The following MBP variants were observed in gnomAD, a reference collection of about 807,000 sequenced individuals.
MBP encodes Golli-MBP.
A neutral mutation model predicts 35.8 loss-of-function variants in MBP; 16 were observed. The observed-to-expected ratio is 0.45, with a 90% CI of 0.30 to 0.68. The LOEUF is 0.68. MBP is among the 30% of genes least tolerant of loss of function. The probability of loss-of-function intolerance (pLI) is 0.08; values close to 1 mark genes in which losing one functional copy is unlikely to be tolerated. For synonymous variants in MBP, 143 were observed against 159.6 expected (o/e 0.90, Z 0.78); for missense variants, 380 against 404.7 (o/e 0.94, Z 0.52).
intron 1 of MBP, among the ~76,000 whole-genome samples, chr18:77,130,104 T>C (rs977897445): frequency 3.3e-5 from 5 of 152,010 alleles, no homozygotes; most frequent in African/African-American, 1.2e-4. Context: ...TTCTTTTTTA[T>C]TGACAACTAA....
At chr18:77,097,915 A>T (rs913460094) in intron 2 of MBP, among the ~76,000 whole-genome samples, 8 of 148,338 alleles carry the variant, frequency 5.4e-5, no homozygotes, top group Admixed American at 1.3e-4. Flanking sequence ...TCTTTTTTTT[A>T]AAAAAATACA....
At chr18:77,128,009 T>C (rs1375832567) in intron 1 of MBP, 2 of 152,232 alleles carry the variant, frequency 1.3e-5, no homozygotes, top group Non-Finnish European at 2.9e-5. Context: ...GTGCTAACCA[T>C]ATGACTCAGC....
intron 1 of MBP, among the ~76,000 whole-genome samples, chr18:77,124,646 A>C (rs1198152711): frequency 1.3e-5 from 2 of 152,096 alleles, no homozygotes; most frequent in Non-Finnish European, 2.9e-5. Context: ...AGTGGGGGAG[A>C]GCCCACCCAC....
intron 3 of MBP, among the ~76,000 whole-genome samples, chr18:77,051,592 G>A (rs150241646): frequency 3.6e-4 from 55 of 152,274 alleles, no homozygotes; most frequent in African/African-American, 1.1e-3. Flanking sequence ...TGAAGGACCC[G>A]ATTTTCACTG....
intron 1 of MBP, among the ~76,000 whole-genome samples, chr18:77,124,422 C>T (rs935888026): frequency 3.9e-5 from 6 of 152,192 alleles, no homozygotes; most frequent in African/African-American, 1.4e-4. Context: ...AATAACTCTT[C>T]TGGCCACCAC....
intron 3 of MBP, among the ~76,000 whole-genome samples, chr18:77,062,517 A>G (rs1215703193): frequency 6.6e-6 from 1 of 152,154 alleles, no homozygotes; most frequent in African/African-American, 2.4e-5. Context: ...TGTCGAAAAA[A>G]AAAAAACAAA....
At chr18:76,996,845 A>AT (rs2123228913) in intron 4 of MBP, among the ~76,000 whole-genome samples, 1 of 152,264 alleles carries the variant, frequency 6.6e-6, no homozygotes, top group South Asian at 2.1e-4. Flanking sequence ...AAGCAAGCCC[A>AT]TTTTGTTCAT....
chr18:76,990,410 C>G (rs1969830359), intron 4 of MBP, among the ~76,000 whole-genome samples: 3 of 152,030 alleles, frequency 2.0e-5, no homozygotes, highest in Admixed American at 2.0e-4. Context: ...AGGGAGGATT[C>G]TTGCTAAACT....
At chr18:77,025,645 T>C (rs1459922386) in intron 3 of MBP, among the ~76,000 whole-genome samples, 2 of 149,988 alleles carry the variant, frequency 1.3e-5, no homozygotes, top group African/African-American at 2.5e-5. Flanking sequence ...CAAATATCCA[T>C]ACCTGACTGT....
chr18:77,054,218 C>T (rs1973631407), intron 3 of MBP, among the ~76,000 whole-genome samples: 1 of 152,258 alleles, frequency 6.6e-6, no homozygotes, highest in African/African-American at 2.4e-5. Context: ...GTGGACATCA[C>T]CTTGAGCCTC....
Position 76,988,280 on chromosome 18 carries a change from A to T in MBP, c.750+215T>A. 6.4e-7 allele frequency: 1 copy of T among 1,551,798 alleles called. No homozygotes were observed. Among genetic ancestry groups the T allele is most frequent in the Non-Finnish European group, 8.7e-7 (1 of 1,147,430 alleles). The stretch of plus-strand genomic sequence containing the variant: ...GGCCTTGCAGGGCTGGGTCCCCGGC[A>T]CAGAAGCAAGAGACCAGACCTTCCG... On this transcript the variant is annotated intron_variant, in intron 7 of 8. Coordinates refer to ENST00000355994, the MANE Select transcript of MBP (RefSeq NM_001025101.2). The surrounding 1 kb of genome is among the most constrained non-coding windows in gnomAD (Gnocchi z 5.2).
upstream of MBP, among the ~76,000 whole-genome samples, chr18:77,133,097 C>A (rs973735157): frequency 6.6e-6 from 1 of 152,096 alleles, no homozygotes; most frequent in South Asian, 2.1e-4. Flanking sequence ...GAACCCACCC[C>A]GACCCCGACC....
intron 7 of MBP, chr18:76,986,182 GTC>G: frequency 1.0e-6 from 1 of 985,556 alleles, no homozygotes; most frequent in Non-Finnish European, 1.2e-6. Context: ...GGCCTCCTGA[GTC>G]TCTACTCAAT....
chr18:77,079,652 T>C (rs1974810927), intron 2 of MBP, among the ~76,000 whole-genome samples: 1 of 152,238 alleles, frequency 6.6e-6, no homozygotes, highest in African/African-American at 2.4e-5. Context: ...CTTATTCCTA[T>C]AAATAATAAA....
At position 77,051,525 on chromosome 18, in the gene MBP, A is replaced by T. The variant is rs189680067; in HGVS notation, c.139+14773T>A. Among the ~76,000 whole-genome samples the T allele has an allele frequency of 1.4e-4, 22 of 152,280 alleles. No individual in the cohort carries two copies. The East Asian group carries it at 3.7e-3, about 25-fold the overall frequency. The stretch of plus-strand genomic sequence containing the variant: ...CTCCTCCGGGGAGGGTGAGGTCAGG[A>T]TCTAAATGCCTCTGCAGCAACCACA... On this transcript the variant is annotated intron_variant, in intron 3 of 8. Transcript: ENST00000355994.
intron 1 of MBP, chr18:77,127,356 A>C (rs976613339): frequency 6.6e-6 from 1 of 152,224 alleles, no homozygotes; most frequent in Non-Finnish European, 1.5e-5. Context: ...ACCAAAACAA[A>C]TAAGCCTCAA....
intron 4 of MBP, among the ~76,000 whole-genome samples, chr18:77,009,428 G>A (rs1971197507): frequency 6.6e-6 from 1 of 152,232 alleles, no homozygotes; most frequent in African/African-American, 2.4e-5. Flanking sequence ...AGTACTAAAT[G>A]TCTGCTAGGC....
At chr18:77,023,930 A>G (rs1480659933) in intron 3 of MBP, among the ~76,000 whole-genome samples, 2 of 152,196 alleles carry the variant, frequency 1.3e-5, no homozygotes, top group African/African-American at 4.8e-5. Context: ...TCTCTAACAT[A>G]TCTGGGATGG....
At chr18:77,029,045 G>A (rs1355968590) in intron 3 of MBP, among the ~76,000 whole-genome samples, 1 of 106,478 alleles carries the variant, frequency 9.4e-6, no homozygotes, top group African/African-American at 2.7e-5. Context: ...GGCACTTTGG[G>A]AGGCCAAGGC....
Sources: gnomAD v4.1 joint callset for allele counts (sites outside exome capture counted in the v4.1 genomes callset) on GRCh38, gnomAD v4.1.1 for gene constraint, Gnocchi (gnomAD v3.1) non-coding constraint, MANE v1.5 for transcripts, NCBI Gene and HGNC (gene_info 2026-07-23, HGNC 2026-07-21) for gene names.